Variants in TTLL5 observed in about 807,000 individuals in gnomAD.
The protein encoded by TTLL5 is tubulin tyrosine ligase like 5.
In TTLL5, 132 loss-of-function variants were observed where a neutral mutation model predicts 168.4. That is an observed-to-expected ratio of 0.78 (90% CI 0.68 to 0.91). The LOEUF (loss-of-function observed/expected upper bound fraction) is 0.91, where lower values mean the gene tolerates loss of function less well. TTLL5 is among the 40% of genes least tolerant of loss of function. TTLL5 has a pLI of 0.00. For synonymous variants in TTLL5, 546 were observed against 558.6 expected (o/e 0.98, Z 0.32); for missense variants, 1,545 against 1,581.5 (o/e 0.98, Z 0.39).
At chr14:75,723,687 A>G (rs1423172440) in intron 12 of TTLL5, among the ~76,000 whole-genome samples, 126 of 152,258 alleles carry the variant, frequency 8.3e-4, no homozygotes, top group Non-Finnish European at 1.5e-4. Flanking sequence ...TGGCAATAGA[A>G]TGTTCCGACG....
chr14:75,709,342 AAT>A (rs1313153294), intron 9 of TTLL5: 2 of 630,958 alleles, frequency 3.2e-6, no homozygotes, highest in African/African-American at 3.6e-5. Flanking sequence ...TATGACTTGA[AAT>A]CAGTGAGAGC....
At chr14:75,715,913 A>G (rs1887420074) in intron 9 of TTLL5, among the ~76,000 whole-genome samples, 1 of 151,934 alleles carries the variant, frequency 6.6e-6, no homozygotes, top group Non-Finnish European at 1.5e-5. Flanking sequence ...CAGGCTTTTC[A>G]TGTTGACCAA....
chr14:75,937,659 T>C (rs577035649), intron 31 of TTLL5, among the ~76,000 whole-genome samples: 2 of 152,328 alleles, frequency 1.3e-5, no homozygotes, highest in East Asian at 3.9e-4. Context: ...CTTAGCATAG[T>C]GTTCTCCAGG....
chr14:75,813,256 C>T (rs1894167029), intron 27 of TTLL5, among the ~76,000 whole-genome samples: 1 of 140,160 alleles, frequency 7.1e-6, no homozygotes, highest in East Asian at 2.1e-4. Flanking sequence ...ATTATCCAGG[C>T]ACTGTGTGTG....
intron 31 of TTLL5, among the ~76,000 whole-genome samples, chr14:75,929,633 A>G (rs2034207788): frequency 6.6e-6 from 1 of 151,990 alleles, no homozygotes; most frequent in Non-Finnish European, 1.5e-5. Context: ...TTGTATTTTT[A>G]GTAGAGACAG....
chr14:75,845,936 A>G lies in TTLL5; in HGVS notation c.3327-17731A>G, dbSNP rs577794600. ...ATGGAAATATTTCTGAAAAGAAACT[A>G]TCACTGGTGGATTATAAGAATCTTT... On this transcript the variant is annotated intron_variant, in intron 28 of 31. Transcript: ENST00000298832. Among the ~76,000 whole-genome samples, 6 of 152,336 alleles carry G rather than the reference A, an allele frequency of 3.9e-5. No individual in the cohort carries two copies. In the South Asian group the frequency reaches 6.2e-4, roughly 16 times the overall value.
At chr14:75,946,755 A>C (rs1294674409) in intron 31 of TTLL5, among the ~76,000 whole-genome samples, 10 of 152,322 alleles carry the variant, frequency 6.6e-5, no homozygotes, top group South Asian at 2.1e-4. Flanking sequence ...AGAAAAAAAA[A>C]AACAACAACA....
chr14:75,709,240 GTGCTTTGA>G, intron 9 of TTLL5: 1 of 760,704 alleles, frequency 1.3e-6, no homozygotes, highest in Non-Finnish European at 2.4e-6. Flanking sequence ...TTATGTACAG[GTGCTTTGA>G]CAGATATTAT....
chr14:75,914,033 A>AAAAAAAAAAATATATATATAT, intron 31 of TTLL5, among the ~76,000 whole-genome samples: 12 of 71,090 alleles, frequency 1.7e-4, no homozygotes, highest in African/African-American at 1.6e-3. Context: ...AAAAAAAAAA[A>AAAAAAAAAAATATATATATAT]ATATATATAT....
At chr14:75,818,117 C>G (rs551038825) in intron 27 of TTLL5, among the ~76,000 whole-genome samples, 10 of 152,020 alleles carry the variant, frequency 6.6e-5, no homozygotes, top group African/African-American at 2.4e-4. Flanking sequence ...CGATTATAGG[C>G]GTGAGCCACC....
chr14:75,783,366 C>T lies in TTLL5; in HGVS notation c.2822C>T (p.Ala941Val). ...ACAATTTTACTGAACACAGTCTCTGCCAGTGCTTCTCCCTGCCTACATCCC... is the reference window on the plus strand; with the variant it reads ...ACAATTTTACTGAACACAGTCTCTGTCAGTGCTTCTCCCTGCCTACATCCC... The part of the protein sequence containing the change: ...QPTILLNTVS[A>V]SASPCLHPGA... The change falls in exon 26 of 32, where the codon GCC becomes GTC. Residue 941 changes from alanine (A) to valine (V), a missense_variant. Transcript: ENST00000298832. 5 of 1,614,190 alleles carry T rather than the reference C, an allele frequency of 3.1e-6. No individual in the cohort carries two copies. Among genetic ancestry groups the T allele is most frequent in the Non-Finnish European group, 3.4e-6 (4 of 1,180,038 alleles).
intron 17 of TTLL5, 125 bp from the exon 18 acceptor site, chr14:75,752,768 G>C (rs1890028231): frequency 2.8e-6 from 2 of 717,250 alleles, no homozygotes; most frequent in Non-Finnish European, 4.5e-6. Flanking sequence ...TTTAGAAACA[G>C]TATGTTTCAT....
chr14:75,922,018 C>T (rs1298383629), intron 31 of TTLL5, among the ~76,000 whole-genome samples: 1 of 152,026 alleles, frequency 6.6e-6, no homozygotes, highest in Non-Finnish European at 1.5e-5. Flanking sequence ...CATGATTTGG[C>T]TCTTTGTTTG....
In TTLL5 at chr14:75,733,954, T is replaced by A. The variant is rs1326093022; in HGVS notation, c.1125-35T>A. The A allele has an allele frequency of 1.9e-6, 3 of 1,603,136 alleles. No homozygotes were observed. In the African/African-American group the frequency reaches 4.0e-5, roughly 22 times the overall value. ...GCGGCTATTCTGTTAACCTACACAC[T>A]TATCAATTGCTCTTTTCTTTCTCTG... On this transcript the variant is annotated intron_variant, in intron 13 of 31. Coordinates refer to ENST00000298832, the MANE Select transcript of TTLL5 (RefSeq NM_015072.5).
chr14:75,664,836 G>C (rs1883134132), intron 2 of TTLL5, among the ~76,000 whole-genome samples: 1 of 152,078 alleles, frequency 6.6e-6, no homozygotes, highest in Non-Finnish European at 1.5e-5. Context: ...CCTTTTTAAA[G>C]GTTGTTCTTT....
intron 30 of TTLL5, among the ~76,000 whole-genome samples, chr14:75,892,771 G>T (rs905890532): frequency 6.6e-6 from 1 of 152,162 alleles, no homozygotes; most frequent in Non-Finnish European, 1.5e-5. Flanking sequence ...GAGACTATGG[G>T]CCTTACAGAG....
chr14:75,854,975 T>G (rs1198174212), intron 28 of TTLL5, among the ~76,000 whole-genome samples: 4 of 152,154 alleles, frequency 2.6e-5, no homozygotes, highest in African/African-American at 7.2e-5. Context: ...TCATTTTCTT[T>G]TCCTTAGTGA....
intron 29 of TTLL5, among the ~76,000 whole-genome samples, chr14:75,880,043 C>T (rs996188885): frequency 3.9e-5 from 6 of 152,130 alleles, no homozygotes; most frequent in Non-Finnish European, 8.8e-5. Flanking sequence ...AAAAGTTAGT[C>T]TCCCTCCTGC....
At chr14:75,949,242 G>C (rs1375449551) in intron 31 of TTLL5, among the ~76,000 whole-genome samples, 1 of 151,744 alleles carries the variant, frequency 6.6e-6, no homozygotes, top group African/African-American at 2.4e-5. Flanking sequence ...GCTTTACAGA[G>C]CATTAAAGCA....
Sources: allele counts gnomAD v4.1 joint callset (sites outside exome capture counted in the v4.1 genomes callset), GRCh38; gene constraint gnomAD v4.1.1; transcripts MANE v1.5; gene names NCBI Gene and HGNC (gene_info 2026-07-23, HGNC 2026-07-21).